NRG1: variants seen among roughly 807,000 people sequenced by gnomAD.
The protein encoded by NRG1 is neuregulin 1, also known as pro-neuregulin-1, membrane-bound isoform.
Under a neutral mutation model 63.8 loss-of-function variants are expected in NRG1, and 18 were observed. The observed-to-expected ratio is 0.28, with a 90% CI of 0.19 to 0.42. The LOEUF is 0.42. NRG1 is among the 10% of genes least tolerant of loss of function. NRG1 has a pLI of 1.00. For missense variants in NRG1, 762 were observed against 814.7 expected, an observed-to-expected ratio of 0.94 and a Z score of 0.79; for synonymous variants, 302 against 301.3, an observed-to-expected ratio of 1.00 and a Z score of -0.02.
chr8:31,956,787 A>G (rs1804512002), intron 1 of NRG1, among the ~76,000 whole-genome samples: 1 of 152,242 alleles, frequency 6.6e-6, no homozygotes, highest in African/African-American at 2.4e-5. Flanking sequence ...TACATTTTCT[A>G]TGACATTGGT....
chr8:32,007,088 A>G (rs1813900028), intron 1 of NRG1, among the ~76,000 whole-genome samples: 2 of 152,038 alleles, frequency 1.3e-5, no homozygotes, highest in Non-Finnish European at 2.9e-5. Context: ...ATTTAAATGA[A>G]TAGTCTCCCT....
chr8:32,112,090 C>G (rs570132568), intron 1 of NRG1, among the ~76,000 whole-genome samples: 1 of 152,298 alleles, frequency 6.6e-6, no homozygotes, highest in Non-Finnish European at 1.5e-5. Context: ...CAGCATTAAA[C>G]TGCTGCCTCC....
At position 31,879,882 on chromosome 8, in the gene NRG1, T is replaced by C. The variant is rs543770214; in HGVS notation, c.37+240451T>C. Among the ~76,000 whole-genome samples the C allele has an allele frequency of 2.0e-5, 3 of 152,312 alleles. No individual in the cohort carries two copies. In the South Asian group the frequency reaches 6.2e-4, roughly 32 times the overall value. On this transcript the variant is annotated intron_variant, in intron 1 of 10. Coordinates refer to the NRG1 transcript ENST00000519301. ...GCTCCATCCATATTCCCACAAAATATATGATTGTGTTCTTTTTTATGGATG... is the reference window on the plus strand; with the variant it reads ...GCTCCATCCATATTCCCACAAAATACATGATTGTGTTCTTTTTTATGGATG...
At chr8:32,145,153 CT>C (rs1456851623) in intron 1 of NRG1, among the ~76,000 whole-genome samples, 5 of 152,144 alleles carry the variant, frequency 3.3e-5, no homozygotes, top group African/African-American at 1.2e-4. Flanking sequence ...CAGCCTTTAC[CT>C]TCTCCCCTGT....
chr8:31,890,531 C>T (rs1831065897), intron 1 of NRG1, among the ~76,000 whole-genome samples: 1 of 152,084 alleles, frequency 6.6e-6, no homozygotes, highest in Admixed American at 6.5e-5. Flanking sequence ...AGGGAAAAAG[C>T]ACAATAAATG....
At chr8:32,183,255 G>A (rs1841621164) in intron 1 of NRG1, among the ~76,000 whole-genome samples, 1 of 152,134 alleles carries the variant, frequency 6.6e-6, no homozygotes, top group Non-Finnish European at 1.5e-5. Flanking sequence ...GGATTTATGA[G>A]TCACAAAGGC....
At chr8:31,800,338 C>T (rs16878317) in intron 1 of NRG1, among the ~76,000 whole-genome samples, 21,812 of 152,172 alleles carry the variant, frequency 0.14, 2,044 homozygotes, top group Non-Finnish European at 0.19. Flanking sequence ...TATTTTTACT[C>T]TGGTCAGGTG....
At chr8:32,071,011 G>A (rs1460147249) in intron 1 of NRG1, among the ~76,000 whole-genome samples, 1 of 152,060 alleles carries the variant, frequency 6.6e-6, no homozygotes, top group African/African-American at 2.4e-5. Flanking sequence ...CACACCTGCC[G>A]ATCTCTCTGC....
intron 1 of NRG1, among the ~76,000 whole-genome samples, chr8:32,453,257 G>A (rs560558617): frequency 6.6e-6 from 1 of 152,228 alleles, no homozygotes; most frequent in African/African-American, 2.4e-5. Context: ...AAAAAACTGA[G>A]ACAACATATA....
chr8:32,396,030 T>C (rs1812393975), intron 1 of NRG1, among the ~76,000 whole-genome samples: 1 of 152,214 alleles, frequency 6.6e-6, no homozygotes, highest in African/African-American at 2.4e-5. Flanking sequence ...AAAAATAAAT[T>C]GACTATGTGT....
intron 1 of NRG1, among the ~76,000 whole-genome samples, chr8:31,988,717 A>G (rs998809573): frequency 6.6e-6 from 1 of 152,148 alleles, no homozygotes; most frequent in African/African-American, 2.4e-5. Flanking sequence ...AGCTGCAGTG[A>G]GGCCAGAGAT....
At chr8:32,572,494 A>G (rs1838800305) in intron 1 of NRG1, among the ~76,000 whole-genome samples, 1 of 152,194 alleles carries the variant, frequency 6.6e-6, no homozygotes, top group Non-Finnish European at 1.5e-5. Context: ...TTCTAATCCT[A>G]GCATAGTGTC....
chr8:32,276,441 C>T (rs1432755485), intron 1 of NRG1, among the ~76,000 whole-genome samples: 1 of 152,146 alleles, frequency 6.6e-6, no homozygotes, highest in Non-Finnish European at 1.5e-5. Context: ...TTCATCCATC[C>T]ATCTATTGAT....
chr8:31,926,217 A>T (rs746121355), intron 1 of NRG1, among the ~76,000 whole-genome samples: 21 of 152,128 alleles, frequency 1.4e-4, no homozygotes, highest in Admixed American at 2.6e-4. Context: ...AGCCCTTCAG[A>T]GGTCTCAAAT....
At chr8:32,021,413 A>G (rs1228416054) in intron 1 of NRG1, among the ~76,000 whole-genome samples, 2 of 152,130 alleles carry the variant, frequency 1.3e-5, no homozygotes, top group Non-Finnish European at 2.9e-5. Flanking sequence ...GGTGGAAACT[A>G]CCCATTTCCT....
intron 1 of NRG1, among the ~76,000 whole-genome samples, chr8:31,743,247 A>G (rs897961076): frequency 6.6e-6 from 1 of 151,934 alleles, no homozygotes; most frequent in African/African-American, 2.4e-5. Context: ...ACATGGAAAG[A>G]ATAATATTCT....
intron 1 of NRG1, among the ~76,000 whole-genome samples, chr8:32,113,635 T>G (rs1832329276): frequency 6.6e-6 from 1 of 152,234 alleles, no homozygotes. Context: ...TATAAGTGTC[T>G]ACCTTGAAAG....
At chr8:32,763,665 A>C in intron 11 of NRG1, 83 bp from the exon 12 acceptor site, 22 of 1,318,020 alleles carry the variant, frequency 1.7e-5, no homozygotes, top group Non-Finnish European at 2.2e-5. Flanking sequence ...ATGATATAAT[A>C]CCGTGAACTC....
chr8:32,468,568 C>G (rs1823359670), intron 1 of NRG1, among the ~76,000 whole-genome samples: 1 of 152,144 alleles, frequency 6.6e-6, no homozygotes. Context: ...GTGAACCTTC[C>G]TTATTTCCTT....
Sources: gnomAD v4.1 joint callset for allele counts (sites outside exome capture counted in the v4.1 genomes callset) on GRCh38, gnomAD v4.1.1 for gene constraint, MANE v1.5 for transcripts, NCBI Gene and HGNC (gene_info 2026-07-23, HGNC 2026-07-21) for gene names.